The following GASK1A variants were observed in gnomAD, a reference collection of about 807,000 sequenced individuals.
The protein encoded by GASK1A is golgi associated kinase 1A.
A neutral mutation model predicts 41.2 loss-of-function variants in GASK1A; 40 were observed. The ratio of observed to expected loss-of-function variants is 0.97; its 90% confidence interval spans 0.75 to 1.27. The LOEUF is 1.27. GASK1A is among the 50% of genes most tolerant of loss of function. GASK1A has a pLI of 0.00. For missense variants in GASK1A, 678 were observed against 745.1 expected, an observed-to-expected ratio of 0.91 and a Z score of 1.05; for synonymous variants, 316 against 307.1, an observed-to-expected ratio of 1.03 and a Z score of -0.30.
At chr3:43,010,186 C>T in intron 1 of GASK1A, among the ~76,000 whole-genome samples, 1 of 152,122 alleles carries the variant, frequency 6.6e-6, no homozygotes. Context: ...CTACCAGTCA[C>T]ATGTTGGGTT....
rs2089717803 is a variant in GASK1A at position 43,056,620 on chromosome 3, A to G, written c.*234A>G. 2.2e-6 allele frequency: 1 copy of G among 452,390 alleles called. No individual in the cohort carries two copies. Among genetic ancestry groups the G allele is most frequent in the Admixed American group, 3.6e-5 (1 of 27,936 alleles). The allele number at this position is 452,390 out of a possible 1,614,324, so 28.0% of individuals were successfully genotyped here. A position where few individuals can be genotyped will look rare whatever the true frequency, so the allele number is the denominator to read the frequency against. The stretch of plus-strand genomic sequence containing the variant: ...CCCTTGCACCAACAAATACATTCGA[A>G]AATGTTCTGTGAGCTGCTCAAGAAA... On this transcript the variant is annotated 3_prime_UTR_variant, in exon 5 of 5. Transcript: ENST00000430121.
chr3:43,013,055 C>T (rs896589266), intron 1 of GASK1A, among the ~76,000 whole-genome samples: 2 of 149,514 alleles, frequency 1.3e-5, no homozygotes, highest in South Asian at 4.2e-4. Context: ...TGTGGGAAGT[C>T]ACAGGGAGGG....
At chr3:42,979,750 C>A (rs2089272095) in intron 1 of GASK1A, 105 bp downstream of exon 1, 2 of 1,134,572 alleles carry the variant, frequency 1.8e-6, no homozygotes, top group East Asian at 3.2e-5. Context: ...GCCTGCGCGG[C>A]CTCCCGAGGC....
chr3:43,010,987 C>G lies in GASK1A; in HGVS notation c.4-21280C>G, dbSNP rs564788473. ...GCCTCTTACCTTCCCCAACTCCCCC[C>G]TCTCCACCCACCAACAAATCCATTA... On this transcript the variant is annotated intron_variant, in intron 1 of 4. Coordinates refer to ENST00000430121, the MANE Select transcript of GASK1A (RefSeq NM_001129908.3). 2.6e-3 allele frequency among the ~76,000 whole-genome samples: 401 copies of G among 152,330 alleles called. 3 individuals are homozygous for G. The highest frequency in any genetic ancestry group is 9.1e-3 in the African/African-American group (380 of 41,576).
chr3:43,026,500 A>G (rs746001406), intron 1 of GASK1A, among the ~76,000 whole-genome samples: 5 of 152,230 alleles, frequency 3.3e-5, no homozygotes, highest in Non-Finnish European at 7.3e-5. Context: ...GAGCAATCTT[A>G]TCACAATGAA....
intron 1 of GASK1A, among the ~76,000 whole-genome samples, chr3:43,004,172 C>A (rs374120803): frequency 2.6e-5 from 4 of 152,204 alleles, no homozygotes; most frequent in African/African-American, 9.6e-5. Context: ...TTAGACTTCC[C>A]AAGATGAGTT....
chr3:42,997,365 T>G (rs778925443), intron 1 of GASK1A, among the ~76,000 whole-genome samples: 1 of 149,704 alleles, frequency 6.7e-6, no homozygotes, highest in Non-Finnish European at 1.5e-5. Flanking sequence ...TGGCCTGACT[T>G]TCCATGTTTC....
chr3:43,054,940 A>G (rs1268404499), intron 3 of GASK1A, among the ~76,000 whole-genome samples: 1 of 152,192 alleles, frequency 6.6e-6, no homozygotes, highest in Non-Finnish European at 1.5e-5. Context: ...ACATGTGAGC[A>G]GCACATGTGC....
At chr3:42,999,560 C>T (rs2089397587) in intron 1 of GASK1A, among the ~76,000 whole-genome samples, 1 of 152,210 alleles carries the variant, frequency 6.6e-6, no homozygotes, top group Non-Finnish European at 1.5e-5. Context: ...TGGGCCTGGC[C>T]TTCTTGGCCC....
At chr3:42,983,860 G>A (rs1032114069) in intron 1 of GASK1A, among the ~76,000 whole-genome samples, 1 of 152,172 alleles carries the variant, frequency 6.6e-6, no homozygotes, top group Admixed American at 6.5e-5. Flanking sequence ...ACCAAACAGA[G>A]GTTGATCCAA....
Position 43,053,584 on chromosome 3 carries a change from G to T in GASK1A, c.1354G>T (p.Glu452Ter), listed in dbSNP as rs1293696970. The change falls in exon 3 of 5, where the codon GAA (glutamate) becomes TAA (stop). Residue 452 changes from glutamate (E) to a stop codon, truncating the protein, a stop_gained. Transcript: ENST00000430121. LOFTEE classifies it high-confidence loss of function. ...GCCTGAGCCCTCAGACCCCTGTGTGGAAGAGAGGCTCCGAGAGAAATGCCA... is the reference window on the plus strand; with the variant it reads ...GCCTGAGCCCTCAGACCCCTGTGTGTAAGAGAGGCTCCGAGAGAAATGCCA... The part of the protein sequence containing the change: ...FEPEPSDPCV[E>*]ERLREKCQNP... The T allele has an allele frequency of 6.4e-7, 1 of 1,551,722 alleles. No homozygotes were observed. The highest frequency in any genetic ancestry group is 2.4e-5 in the East Asian group (1 of 40,912).
intron 2 of GASK1A, among the ~76,000 whole-genome samples, chr3:43,038,409 C>T (rs1274325479): frequency 6.6e-6 from 1 of 152,150 alleles, no homozygotes; most frequent in African/African-American, 2.4e-5. Context: ...TGATATTGCG[C>T]TAACCTTGAA....
intron 1 of GASK1A, among the ~76,000 whole-genome samples, chr3:43,025,921 A>G (rs1039772435): frequency 2.0e-5 from 3 of 152,340 alleles, no homozygotes; most frequent in South Asian, 4.1e-4. Context: ...TTTTTCAGAT[A>G]AATTAGGAGG....
At chr3:43,052,069 G>T (rs975396685) in intron 2 of GASK1A, among the ~76,000 whole-genome samples, 13 of 152,064 alleles carry the variant, frequency 8.5e-5, no homozygotes, top group Non-Finnish European at 1.8e-4. Context: ...GATCCTCAAG[G>T]CCTCCCCACT....
intron 1 of GASK1A, among the ~76,000 whole-genome samples, chr3:42,985,588 G>GTGTGTGTGT (rs1559395438): frequency 3.1e-5 from 3 of 96,494 alleles, no homozygotes; most frequent in Admixed American, 1.0e-4. Context: ...TGTGTGTGTG[G>GTGTGTGTGT]GCGGAGGCAG....
chr3:43,040,304 G>A (rs1440409420), intron 2 of GASK1A, among the ~76,000 whole-genome samples: 1 of 151,908 alleles, frequency 6.6e-6, no homozygotes, highest in African/African-American at 2.4e-5. Context: ...AAGTATATAG[G>A]TCTATTTCTG....
chr3:43,007,306 T>C (rs2089441212), intron 1 of GASK1A, among the ~76,000 whole-genome samples: 1 of 152,196 alleles, frequency 6.6e-6, no homozygotes. Flanking sequence ...CTCTTAAAAC[T>C]CCTGTTTTCA....
intron 1 of GASK1A, among the ~76,000 whole-genome samples, chr3:42,987,860 A>G (rs1250371860): frequency 2.0e-5 from 3 of 151,912 alleles, no homozygotes; most frequent in Admixed American, 6.6e-5. Flanking sequence ...TTAGCTGGGC[A>G]TGGTGGTGGG....
chr3:42,981,108 C>G (rs2125670970), intron 1 of GASK1A, among the ~76,000 whole-genome samples: 1 of 152,284 alleles, frequency 6.6e-6, no homozygotes, highest in South Asian at 2.1e-4. Context: ...GCGTAAGCTT[C>G]CCGTTCTGTG....
Sources: gnomAD v4.1 joint callset for allele counts (sites outside exome capture counted in the v4.1 genomes callset) on GRCh38, gnomAD v4.1.1 for gene constraint, MANE v1.5 for transcripts, NCBI Gene and HGNC (gene_info 2026-07-23, HGNC 2026-07-21) for gene names.